The following CIDEA variants were observed in gnomAD, a reference collection of about 807,000 sequenced individuals.
CIDEA encodes the protein cell death inducing DFFA like effector a, also known as lipid transferase CIDEA.
In CIDEA, 10 loss-of-function variants were observed where a neutral mutation model predicts 18.2. That is an observed-to-expected ratio of 0.55 (90% CI 0.34 to 0.93). CIDEA has a LOEUF of 0.93. Among genes scored for constraint, CIDEA ranks in the 40% least tolerant of loss-of-function variants. The pLI is 0.02. For missense variants in CIDEA, 309 were observed against 293.1 expected (o/e 1.05, Z -0.40); for synonymous variants, 128 against 124.8 (o/e 1.03, Z -0.17).
intron 1 of CIDEA, among the ~76,000 whole-genome samples, chr18:12,260,926 C>A (rs1912172296): frequency 6.6e-6 from 1 of 152,088 alleles, no homozygotes; most frequent in Non-Finnish European, 1.5e-5. Flanking sequence ...TGGGTGCTCT[C>A]CGGGGTGAGG....
chr18:12,270,412 T>C (rs904357204), intron 3 of CIDEA, among the ~76,000 whole-genome samples: 3 of 152,104 alleles, frequency 2.0e-5, no homozygotes, highest in African/African-American at 4.8e-5. Context: ...AGATGAGGGC[T>C]GGGCGCAGTG....
At chr18:12,272,856 G>T (rs1161211086) in intron 3 of CIDEA, among the ~76,000 whole-genome samples, 2 of 151,844 alleles carry the variant, frequency 1.3e-5, no homozygotes, top group Non-Finnish European at 2.9e-5. Flanking sequence ...CTGTTCAAGG[G>T]GTGCTCCTGC....
intron 1 of CIDEA, among the ~76,000 whole-genome samples, chr18:12,256,443 A>G (rs1912037079): frequency 6.6e-6 from 1 of 152,226 alleles, no homozygotes; most frequent in African/African-American, 2.4e-5. Flanking sequence ...TTAGTCAGCT[A>G]GAATCGTTAG....
intron 3 of CIDEA, among the ~76,000 whole-genome samples, chr18:12,266,401 G>T (rs950560850): frequency 6.6e-6 from 1 of 151,978 alleles, no homozygotes; most frequent in African/African-American, 2.4e-5. Flanking sequence ...GCTGCAGAGA[G>T]TCATGATTGC....
chr18:12,265,278 A>G (rs78674093), intron 3 of CIDEA, among the ~76,000 whole-genome samples: 2,803 of 152,386 alleles, frequency 0.018, 35 homozygotes, highest in Middle Eastern at 0.075. Flanking sequence ...ATCTTTTCAC[A>G]TAATAAACTG....
intron 3 of CIDEA, among the ~76,000 whole-genome samples, chr18:12,269,439 T>C (rs1364189195): frequency 6.6e-6 from 1 of 152,190 alleles, no homozygotes; most frequent in Non-Finnish European, 1.5e-5. Context: ...TTGAGGTGTT[T>C]TCAGAAAGGT....
chr18:12,267,913 A>G (rs146800610), intron 3 of CIDEA, among the ~76,000 whole-genome samples: 112 of 152,268 alleles, frequency 7.4e-4, no homozygotes, highest in African/African-American at 2.6e-3. Flanking sequence ...TCTAGTGTGT[A>G]GAGACCAGAG....
At position 12,277,187 on chromosome 18, in the gene CIDEA, A is replaced by T; in HGVS notation, c.577A>T (p.Thr193Ser). The T allele has an allele frequency of 6.2e-7, 1 of 1,614,206 alleles. No homozygotes were observed. The highest frequency in any genetic ancestry group is 1.1e-5 in the South Asian group (1 of 91,084). The change falls in exon 5 of 5, where the codon ACA becomes TCA. Residue 193 changes from threonine to serine, a missense_variant. By Grantham distance (58) the Thr-to-Ser change is moderately conservative. Transcript: ENST00000320477. ...VTGQFLIYLGTYMLRVLDDKE... is the reference protein window; with the variant it reads ...VTGQFLIYLGSYMLRVLDDKE... ...GGGACAGTTTCTCATCTATCTGGGC[A>T]CATACATGCTCCGGGTGCTGGATGA...
rs758893653 is a variant in CIDEA, at chr18:12,274,155, C to A, written c.393C>A (p.Phe131Leu). 1 of 1,614,176 alleles carries A rather than the reference C, an allele frequency of 6.2e-7. No homozygotes were observed. The highest frequency in any genetic ancestry group is 2.2e-5 in the East Asian group (1 of 44,886). Residue 131 changes from phenylalanine (F) to leucine (L), a missense_variant, in exon 4 of 5, where the codon TTC becomes TTA. Physicochemically the swap from Phe to Leu is conservative, Grantham distance 22. Transcript: ENST00000320477. ...PKRSGIARVT[F>L]DLYRLNPKDF... The stretch of plus-strand genomic sequence containing the variant: ...GGTCGGGAATAGCGAGAGTCACCTT[C>A]GACTTGTACAGGCTGAACCCCAAGG...
chr18:12,268,396 A>C (rs1290312355), intron 3 of CIDEA, among the ~76,000 whole-genome samples: 1 of 76,668 alleles, frequency 1.3e-5, no homozygotes, highest in African/African-American at 6.0e-5. Flanking sequence ...TTTTTTTTTT[A>C]ATTTGTTTGC....
At chr18:12,262,423 C>G (rs915394878) in intron 1 of CIDEA, among the ~76,000 whole-genome samples, 19 of 152,196 alleles carry the variant, frequency 1.2e-4, no homozygotes, top group African/African-American at 4.1e-4. Flanking sequence ...GCTATGTGCA[C>G]GTGTCTGAGT....
chr18:12,255,028 G>C (rs563867903), intron 1 of CIDEA: 3 of 975,258 alleles, frequency 3.1e-6, no homozygotes, highest in Admixed American at 3.7e-5. Context: ...TGGGGAGCAG[G>C]GGGGACAAGG....
intron 3 of CIDEA, among the ~76,000 whole-genome samples, chr18:12,268,254 A>ATTTTTTTTTTTT (rs1912411367): frequency 2.7e-3 from 139 of 51,080 alleles, no homozygotes; most frequent in South Asian, 3.3e-3. Flanking sequence ...TTTTTTTTTC[A>ATTTTTTTTTTTT]TTTTTAGTAG....
chr18:12,262,393 C>T (rs1912218018), intron 1 of CIDEA, among the ~76,000 whole-genome samples: 2 of 152,102 alleles, frequency 1.3e-5, no homozygotes, highest in Non-Finnish European at 2.9e-5. Context: ...TCTGGCTTAC[C>T]CTTATTGTGT....
chr18:12,257,275 A>G (rs1303959999), intron 1 of CIDEA, among the ~76,000 whole-genome samples: 1 of 151,852 alleles, frequency 6.6e-6, no homozygotes, highest in Non-Finnish European at 1.5e-5. Context: ...TTTTCTTCCT[A>G]ATGATGAGAT....
intron 3 of CIDEA, among the ~76,000 whole-genome samples, chr18:12,265,897 T>C (rs4797661): frequency 0.97 from 148,460 of 152,304 alleles, 72,448 homozygotes; most frequent in East Asian, 1. Context: ...TCATCAGACA[T>C]ACAGTATAAA....
rs1912571032 is a variant in CIDEA at position 12,272,253 on chromosome 18, C to CG, written c.331-1840_331-1839insG. Reference sequence around the variant, plus strand: ...TTTGAGATGGAGCCTCACTCTGTCGCCCAGGCTGGAGTGCAGTGGCGCGAT... The same window carrying CG: ...TTTGAGATGGAGCCTCACTCTGTCGCGCCAGGCTGGAGTGCAGTGGCGCGAT... On this transcript the variant is annotated intron_variant, in intron 3 of 4. Coordinates refer to ENST00000320477, the MANE Select transcript of CIDEA (RefSeq NM_001279.4). 2.6e-5 allele frequency among the ~76,000 whole-genome samples: 4 copies of CG among 151,280 alleles called. No homozygotes were observed. The South Asian group carries it at 8.4e-4, about 32-fold the overall frequency.
In CIDEA at chr18:12,262,926, G is replaced by A. The variant is rs150856466; in HGVS notation, c.140G>A (p.Arg47Gln). ...GTCTCCAACCATGACAGGAGCAGCC[G>A]GCGTGGGGTGATGGCAAGCAGCCTG... ...FRVSNHDRSSRRGVMASSLQE... is the reference protein window; with the variant it reads ...FRVSNHDRSSQRGVMASSLQE... The change falls in exon 2 of 5, where the codon CGG becomes CAG. Residue 47 changes from arginine to glutamine, a missense_variant. Transcript: ENST00000320477. 1.5e-5 allele frequency: 24 copies of A among 1,613,972 alleles called. 1 individual carries two copies. Among genetic ancestry groups the A allele is most frequent in the Admixed American group, 3.3e-5 (2 of 59,992 alleles).
chr18:12,271,624 G>A (rs542932869), intron 3 of CIDEA, among the ~76,000 whole-genome samples: 1 of 152,190 alleles, frequency 6.6e-6, no homozygotes. Context: ...GGTGGTGGGC[G>A]CTGGGAACCT....
Sources: gnomAD v4.1 joint callset for allele counts (sites outside exome capture counted in the v4.1 genomes callset) on GRCh38, gnomAD v4.1.1 for gene constraint, MANE v1.5 for transcripts, NCBI Gene and HGNC (gene_info 2026-07-23, HGNC 2026-07-21) for gene names.